The following LMBRD1 variants were observed in gnomAD, a reference collection of about 807,000 sequenced individuals.
LMBRD1 encodes lysosomal cobalamin transport escort protein LMBD1.
A neutral mutation model predicts 74.8 loss-of-function variants in LMBRD1; 64 were observed. The observed-to-expected ratio is 0.86, with a 90% confidence interval of 0.70 to 1.05. The LOEUF (loss-of-function observed/expected upper bound fraction) is 1.05. Among genes scored for constraint, LMBRD1 ranks in the 50% least tolerant of loss-of-function variants. The probability of loss-of-function intolerance (pLI) is 0.00; values close to 1 mark genes in which losing one functional copy is unlikely to be tolerated. For missense variants in LMBRD1, 652 were observed against 645.9 expected (o/e 1.01, Z -0.10); for synonymous variants, 204 against 216.3 (o/e 0.94, Z 0.50).
At chr6:69,706,163 G>C (rs1458314138) in intron 9 of LMBRD1, 1 of 504,104 alleles carries the variant, frequency 2.0e-6, no homozygotes, top group African/African-American at 1.9e-5. Context: ...TCTTCCATCA[G>C]GTGGCAGCAC....
chr6:69,783,194 C>T (rs547362628), intron 2 of LMBRD1, among the ~76,000 whole-genome samples: 11 of 152,004 alleles, frequency 7.2e-5, no homozygotes, highest in East Asian at 1.9e-4. Flanking sequence ...ATGTAAGTAG[C>T]GCTTACCACA....
chr6:69,749,308 T>G, intron 5 of LMBRD1, 33 bp downstream of exon 5: 8 of 1,484,324 alleles, frequency 5.4e-6, no homozygotes, highest in Non-Finnish European at 7.5e-6. Flanking sequence ...CTATTTCCAT[T>G]TCATGGTTTA....
chr6:69,686,458 T>C (rs986595469), intron 14 of LMBRD1, among the ~76,000 whole-genome samples: 1 of 152,068 alleles, frequency 6.6e-6, no homozygotes, highest in Admixed American at 6.6e-5. Context: ...CAAAGTCAAG[T>C]AGGCCCAAAG....
At chr6:69,703,261 T>C (rs575134523) in intron 9 of LMBRD1, among the ~76,000 whole-genome samples, 1 of 152,120 alleles carries the variant, frequency 6.6e-6, no homozygotes, top group African/African-American at 2.4e-5. Flanking sequence ...CATCTATATT[T>C]GGTACTGTGG....
At chr6:69,738,815 C>A (rs577810371) in intron 6 of LMBRD1, among the ~76,000 whole-genome samples, 7 of 151,884 alleles carry the variant, frequency 4.6e-5, no homozygotes, top group African/African-American at 1.7e-4. Context: ...CTGTATTGAG[C>A]GAGTTTAAAT....
rs1765528464 is a variant in LMBRD1, at chr6:69,675,590, C to T, written c.*568G>A. ...GTTATCTAATGGACTGATATTTGAA[C>T]AATATAACACATCTTGGAACGCCAT... is the stretch of plus-strand genomic sequence containing the variant. On this transcript the variant is annotated 3_prime_UTR_variant, in exon 16 of 16. Transcript: ENST00000649934. 6.6e-6 allele frequency among the ~76,000 whole-genome samples: 1 copy of T among 152,078 alleles called. No individual in the cohort carries two copies. The highest frequency in any genetic ancestry group is 1.5e-5 in the Non-Finnish European group (1 of 68,002).
At chr6:69,734,664 G>A (rs917600657) in intron 7 of LMBRD1, among the ~76,000 whole-genome samples, 4 of 152,160 alleles carry the variant, frequency 2.6e-5, no homozygotes, top group Non-Finnish European at 4.4e-5. Flanking sequence ...CGAAAGGGCT[G>A]GGATTACAGG....
In LMBRD1 at chr6:69,719,039, T is replaced by C. The variant is rs368652434; in HGVS notation, c.679A>G (p.Thr227Ala). 5.0e-6 allele frequency: 8 copies of C among 1,612,960 alleles called. No homozygotes were observed. The highest frequency in any genetic ancestry group is 6.8e-6 in the Non-Finnish European group (8 of 1,179,284). ...SALPLNLIKG[T>A]RSAAYERLEN... ...AAACGTTCATAAGCAGCGCTTCTAG[T>C]GCCTTTTATCAGATTTAAAGGTAAC... Residue 227 changes from threonine to alanine, a missense_variant, in exon 8 of 16, where the codon ACT becomes GCT. Physicochemically the swap from Thr to Ala is moderately conservative, Grantham distance 58. This residue lies in a region of LMBRD1 where 598 missense variants were observed against 581.8 expected (regional missense o/e 1.03). Transcript: ENST00000649934.
intron 14 of LMBRD1, among the ~76,000 whole-genome samples, chr6:69,679,168 C>T (rs1490555593): frequency 6.6e-6 from 1 of 152,080 alleles, no homozygotes; most frequent in Non-Finnish European, 1.5e-5. Context: ...CAAAAGCTCC[C>T]TTCAGAGTCT....
chr6:69,699,569 T>G (rs1364065556), intron 12 of LMBRD1, among the ~76,000 whole-genome samples: 1 of 151,818 alleles, frequency 6.6e-6, no homozygotes, highest in Non-Finnish European at 1.5e-5. Flanking sequence ...TATAAACATC[T>G]ATTTCTATGA....
At chr6:69,698,007 G>C (rs770105002) in intron 13 of LMBRD1, among the ~76,000 whole-genome samples, 5 of 152,110 alleles carry the variant, frequency 3.3e-5, no homozygotes, top group Non-Finnish European at 5.9e-5. Context: ...CTTCACAGAA[G>C]GATGTTTAAT....
chr6:69,708,150 T>C (rs946445100), intron 9 of LMBRD1, among the ~76,000 whole-genome samples: 1 of 152,192 alleles, frequency 6.6e-6, no homozygotes, highest in Admixed American at 6.5e-5. Flanking sequence ...AGTATACTCT[T>C]CTGTCAGGGA....
chr6:69,719,288 C>A (rs914086721), intron 7 of LMBRD1, among the ~76,000 whole-genome samples: 1 of 152,036 alleles, frequency 6.6e-6, no homozygotes, highest in Non-Finnish European at 1.5e-5. Context: ...ATTTATAATA[C>A]TATTCCTCAA....
rs773771879 is a variant in LMBRD1, at chr6:69,752,248, A to G, written c.405+11T>C. ...TTCCTAAACTAAGGCCTCTAAAATA[A>G]AGATACTTACAGTACATTTACTAGT... On this transcript the variant is annotated intron_variant, in intron 4 of 15. Coordinates refer to ENST00000649934, the MANE Select transcript of LMBRD1 (RefSeq NM_018368.4). The G allele has an allele frequency of 1.3e-5, 21 of 1,606,280 alleles. No homozygotes were observed. Among genetic ancestry groups the G allele is most frequent in the Non-Finnish European group, 1.6e-5 (19 of 1,174,458 alleles).
intron 3 of LMBRD1, among the ~76,000 whole-genome samples, chr6:69,777,882 CAAA>C (rs1765739562): frequency 6.6e-6 from 1 of 152,180 alleles, no homozygotes; most frequent in Non-Finnish European, 1.5e-5. Flanking sequence ...GTATAGTCCT[CAAA>C]ATCCAGGAGA....
At chr6:69,734,499 G>T (rs149759498) in intron 7 of LMBRD1, among the ~76,000 whole-genome samples, 2 of 151,684 alleles carry the variant, frequency 1.3e-5, no homozygotes, top group African/African-American at 4.9e-5. Context: ...GAATTCAAGC[G>T]ATTCTCCTGC....
At chr6:69,771,577 T>C (rs1444700513) in intron 3 of LMBRD1, among the ~76,000 whole-genome samples, 2 of 152,156 alleles carry the variant, frequency 1.3e-5, no homozygotes, top group Non-Finnish European at 2.9e-5. Flanking sequence ...GACAGCACTG[T>C]GGGCCATCAT....
intron 9 of LMBRD1, among the ~76,000 whole-genome samples, chr6:69,709,368 A>C (rs1766334651): frequency 6.6e-6 from 1 of 152,232 alleles, no homozygotes; most frequent in South Asian, 2.1e-4. Context: ...AGCAGTGTTT[A>C]TCTCCTCATA....
At chr6:69,731,044 T>C (rs1455880332) in intron 7 of LMBRD1, among the ~76,000 whole-genome samples, 1 of 152,084 alleles carries the variant, frequency 6.6e-6, no homozygotes, top group South Asian at 2.1e-4. Flanking sequence ...ACAATACACT[T>C]TTTTAGCTTC....
Sources: allele counts gnomAD v4.1 joint callset (sites outside exome capture counted in the v4.1 genomes callset), GRCh38; gene constraint gnomAD v4.1.1; regional missense constraint gnomAD v4.1.1; transcripts MANE v1.5; gene names NCBI Gene and HGNC (gene_info 2026-07-23, HGNC 2026-07-21).